Variants in THSD7B observed in about 807,000 individuals in gnomAD.
THSD7B encodes thrombospondin type-1 domain-containing protein 7B.
A neutral mutation model predicts 213.6 loss-of-function variants in THSD7B; 138 were observed. The observed-to-expected ratio is 0.65, with a 90% CI of 0.56 to 0.74. The LOEUF is 0.74. Ranked by LOEUF, THSD7B falls within the 30% of genes least tolerant of loss-of-function variation. The pLI, the probability that THSD7B is intolerant of heterozygous loss-of-function variation, is 0.00. For missense variants in THSD7B, 1,931 were observed against 1,991.5 expected (o/e 0.97, Z 0.58); for synonymous variants, 742 against 687.0 (o/e 1.08, Z -1.25).
rs930916023 is a variant in THSD7B, at chr2:137,272,625, A to G, written c.2359A>G (p.Arg787Gly). 5 of 1,612,232 alleles carry G rather than the reference A, an allele frequency of 3.1e-6. No homozygotes were observed. The highest frequency in any genetic ancestry group is 4.2e-6 in the Non-Finnish European group (5 of 1,178,980). The change falls in exon 11 of 28, where the codon AGA (arginine) becomes GGA (glycine). Residue 787 changes from arginine to glycine, a missense_variant. Arg to Gly is a moderately radical substitution (Grantham distance 125). Transcript: ENST00000409968. Reference sequence around the variant, plus strand: ...ATGCCCAGATACCTTATATGAGGAGAGAGAGTGTGAAGATGTTTCCTTGTG... The same window carrying G: ...ATGCCCAGATACCTTATATGAGGAGGGAGAGTGTGAAGATGTTTCCTTGTG... ...QECPDTLYEE[R>G]ECEDVSLCPV...
chr2:136,888,200 C>G (rs1280937298), intron 2 of THSD7B, among the ~76,000 whole-genome samples: 1 of 151,866 alleles, frequency 6.6e-6, no homozygotes, highest in Admixed American at 6.6e-5. Flanking sequence ...ATGCCAAACT[C>G]TAGGAAAGTT....
intron 2 of THSD7B, among the ~76,000 whole-genome samples, chr2:137,001,337 C>T (rs1235494123): frequency 6.6e-6 from 1 of 152,032 alleles, no homozygotes; most frequent in Non-Finnish European, 1.5e-5. Context: ...TTCTGGCCAC[C>T]CACATCTTTT....
At chr2:137,607,891 A>G (rs1439203344) in intron 17 of THSD7B, among the ~76,000 whole-genome samples, 2 of 152,168 alleles carry the variant, frequency 1.3e-5, no homozygotes, top group East Asian at 1.9e-4. Flanking sequence ...GTCCCTGCCT[A>G]TTATAAAATC....
Position 137,677,004 on chromosome 2 carries a change from T to TA in THSD7B, c.*400dup, listed in dbSNP as rs1184939646. On this transcript the variant is annotated 3_prime_UTR_variant, in exon 28 of 28. Coordinates refer to ENST00000409968, the MANE Select transcript of THSD7B (RefSeq NM_001316349.2). ...AATGACGAGTCTGACACTGCATTGT[T>TA]ACGCACTATATTAGTGCAAAGTCTT... 2 of 161,748 alleles carry TA rather than the reference T, an allele frequency of 1.2e-5. No homozygotes were observed. Among genetic ancestry groups the TA allele is most frequent in the African/African-American group, 4.8e-5 (2 of 41,658 alleles). 10.0% of individuals were successfully genotyped at this position (161,748 alleles called of 1,614,324 possible).
At chr2:136,950,956 G>A (rs1685028114) in intron 2 of THSD7B, among the ~76,000 whole-genome samples, 1 of 152,188 alleles carries the variant, frequency 6.6e-6, no homozygotes, top group Admixed American at 6.5e-5. Flanking sequence ...CACATAGGTT[G>A]TAATTGTGAT....
intron 7 of THSD7B, among the ~76,000 whole-genome samples, chr2:137,217,118 T>G (rs1352803884): frequency 6.6e-6 from 1 of 152,146 alleles, no homozygotes; most frequent in African/African-American, 2.4e-5. Context: ...TGATGGATAT[T>G]ACCTCAAGCA....
chr2:137,222,982 A>C (rs928641137), intron 7 of THSD7B, among the ~76,000 whole-genome samples: 14 of 152,138 alleles, frequency 9.2e-5, no homozygotes, highest in African/African-American at 3.4e-4. Context: ...CAACTATGGA[A>C]ATTTCAGATA....
intron 20 of THSD7B, among the ~76,000 whole-genome samples, chr2:137,630,080 G>C (rs1054166383): frequency 4.0e-5 from 6 of 151,610 alleles, no homozygotes; most frequent in Non-Finnish European, 7.4e-5. Context: ...TGCACCCTCT[G>C]CCTCCTGGGC....
At chr2:137,213,996 A>C (rs1425090579) in intron 7 of THSD7B, among the ~76,000 whole-genome samples, 2 of 152,086 alleles carry the variant, frequency 1.3e-5, no homozygotes, top group Non-Finnish European at 1.5e-5. Context: ...CCATAGGTAA[A>C]ATTCAGCATC....
rs1219504968 is a variant in THSD7B at position 136,813,097 on chromosome 2, TTTTTCTTCTGTTTAATTAC to T, written c.-36+47429_-36+47447del. Among the ~76,000 whole-genome samples the T allele has an allele frequency of 2.8e-4, 42 of 152,278 alleles. No homozygotes were observed. In the Middle Eastern group the frequency reaches 0.01, roughly 37 times the overall value. On this transcript the variant is annotated intron_variant, in intron 1 of 27. Coordinates refer to ENST00000409968, the MANE Select transcript of THSD7B (RefSeq NM_001316349.2). ...AAGTAAGCATGTCTTATTTACCACATTTTTCTTCTGTTTAATTACTTTTCTTCTGTTTAATTAATATCCT... is the reference window on the plus strand; with the variant it reads ...AAGTAAGCATGTCTTATTTACCACATTTTTCTTCTGTTTAATTAATATCCT...
chr2:137,409,383 G>T (rs1686598922), intron 13 of THSD7B, among the ~76,000 whole-genome samples: 1 of 152,216 alleles, frequency 6.6e-6, no homozygotes, highest in Non-Finnish European at 1.5e-5. Context: ...TCATTAATCA[G>T]ATATAGGGGG....
intron 12 of THSD7B, among the ~76,000 whole-genome samples, chr2:137,284,009 G>T (rs60142738): frequency 6.6e-6 from 1 of 152,018 alleles, no homozygotes; most frequent in Admixed American, 6.5e-5. Flanking sequence ...GTAGAATTCA[G>T]CTGTGAATCC....
intron 14 of THSD7B, among the ~76,000 whole-genome samples, chr2:137,441,382 G>A (rs1687406589): frequency 6.6e-6 from 1 of 152,062 alleles, no homozygotes; most frequent in Non-Finnish European, 1.5e-5. Context: ...AAAAATTATT[G>A]TAGAGAATAT....
At chr2:137,464,882 T>A (rs968471518) in intron 15 of THSD7B, among the ~76,000 whole-genome samples, 1 of 152,090 alleles carries the variant, frequency 6.6e-6, no homozygotes, top group Admixed American at 6.6e-5. Context: ...TAGATATGTA[T>A]GTTCAGTCGC....
At chr2:137,365,804 T>G (rs1269618241) in intron 12 of THSD7B, among the ~76,000 whole-genome samples, 2 of 152,204 alleles carry the variant, frequency 1.3e-5, no homozygotes. Context: ...GACTGTAAAC[T>G]AGTTCAACCA....
intron 12 of THSD7B, among the ~76,000 whole-genome samples, chr2:137,404,506 C>CACACAT (rs1243439493): frequency 3.4e-5 from 4 of 117,876 alleles, no homozygotes; most frequent in African/African-American, 1.2e-4. Flanking sequence ...CACACACACA[C>CACACAT]ATATATGTAT....
chr2:137,324,249 A>G (rs1684319634), intron 12 of THSD7B, among the ~76,000 whole-genome samples: 1 of 152,204 alleles, frequency 6.6e-6, no homozygotes, highest in Non-Finnish European at 1.5e-5. Context: ...GCAGCCCTGG[A>G]ACCTAGTGTA....
At chr2:137,362,688 A>G (rs1054102852) in intron 12 of THSD7B, among the ~76,000 whole-genome samples, 3 of 152,218 alleles carry the variant, frequency 2.0e-5, no homozygotes, top group African/African-American at 7.2e-5. Context: ...TGAGCTAACT[A>G]TCCTAAATAT....
At chr2:137,637,963 G>A (rs1324626985) in intron 20 of THSD7B, among the ~76,000 whole-genome samples, 2 of 152,188 alleles carry the variant, frequency 1.3e-5, no homozygotes, top group African/African-American at 2.4e-5. Context: ...AAAACTTGAA[G>A]AGTATTTAAG....
Sources: allele counts gnomAD v4.1 joint callset (sites outside exome capture counted in the v4.1 genomes callset), GRCh38; gene constraint gnomAD v4.1.1; transcripts MANE v1.5; gene names NCBI Gene and HGNC (gene_info 2026-07-23, HGNC 2026-07-21).